PTPRD: variants seen among roughly 807,000 people sequenced by gnomAD.
PTPRD encodes the protein receptor-type tyrosine-protein phosphatase delta.
Under a neutral mutation model 214.5 loss-of-function variants are expected in PTPRD, and 34 were observed. The ratio of observed to expected loss-of-function variants is 0.16; its 90% confidence interval spans 0.12 to 0.21. PTPRD has a LOEUF of 0.21. Ranked by LOEUF, PTPRD falls within the 10% of genes least tolerant of loss-of-function variation. The probability of loss-of-function intolerance (pLI) is 1.00; values close to 1 mark genes in which losing one functional copy is unlikely to be tolerated. For synonymous variants in PTPRD, 1,128 were observed against 845.7 expected (o/e 1.33, Z -5.79); for missense variants, 2,545 against 2,398.7 (o/e 1.06, Z -1.27).
intron 2 of PTPRD, among the ~76,000 whole-genome samples, chr9:10,350,856 G>C (rs1461009962): frequency 1.3e-5 from 2 of 152,176 alleles, no homozygotes; most frequent in African/African-American, 4.8e-5. Flanking sequence ...TGAACAAAGA[G>C]ACAGGTGTTT....
rs541295293 is a variant in PTPRD at position 10,072,004 on chromosome 9, A to C, written c.-544-38214T>G. Reference sequence around the variant, plus strand: ...TTAGCACACATAGTATAAATGATGAAAAAATTGGTAAGGTTTACTTAATTA... The same window carrying C: ...TTAGCACACATAGTATAAATGATGACAAAATTGGTAAGGTTTACTTAATTA... On this transcript the variant is annotated intron_variant, in intron 3 of 45. Coordinates refer to ENST00000381196, the MANE Select transcript of PTPRD (RefSeq NM_002839.4). 3.9e-5 allele frequency among the ~76,000 whole-genome samples: 6 copies of C among 151,958 alleles called. No individual in the cohort carries two copies. In the South Asian group the frequency reaches 1.2e-3, roughly 31 times the overall value.
intron 14 of PTPRD, among the ~76,000 whole-genome samples, chr9:8,589,457 C>G (rs2093931821): frequency 6.6e-6 from 1 of 152,122 alleles, no homozygotes. Context: ...AATGTATTCT[C>G]AAGAAATACA....
At chr9:9,397,328 C>A (rs966427172) in intron 9 of PTPRD, 121 bp downstream of exon 9, 1 of 152,190 alleles carries the variant, frequency 6.6e-6, no homozygotes, top group African/African-American at 2.4e-5. Context: ...GCCTAATGAA[C>A]TGCCAGAAGG....
intron 3 of PTPRD, among the ~76,000 whole-genome samples, chr9:10,249,121 C>A (rs1278810923): frequency 6.6e-6 from 1 of 152,034 alleles, no homozygotes; most frequent in Admixed American, 6.6e-5. Context: ...TCTTCAACAC[C>A]AGGTAAGTGA....
chr9:8,610,996 T>A (rs1470013699), intron 14 of PTPRD, among the ~76,000 whole-genome samples: 1 of 152,220 alleles, frequency 6.6e-6, no homozygotes, highest in African/African-American at 2.4e-5. Context: ...ATTTTCATGT[T>A]GAAATATTAT....
intron 9 of PTPRD, among the ~76,000 whole-genome samples, chr9:9,277,854 T>C (rs934338601): frequency 1.3e-5 from 2 of 151,316 alleles, no homozygotes; most frequent in Non-Finnish European, 1.5e-5. Context: ...ATCCAGAAAA[T>C]TGTGTTTCTT....
At chr9:9,530,917 T>A (rs925481708) in intron 8 of PTPRD, among the ~76,000 whole-genome samples, 4 of 151,438 alleles carry the variant, frequency 2.6e-5, no homozygotes, top group Non-Finnish European at 2.9e-5. Context: ...TGAGGAGGGG[T>A]TGGTGAATGA....
At chr9:10,542,820 G>C (rs1309801105) in intron 2 of PTPRD, among the ~76,000 whole-genome samples, 1 of 152,120 alleles carries the variant, frequency 6.6e-6, no homozygotes, top group Non-Finnish European at 1.5e-5. Flanking sequence ...CTGGGTTCAA[G>C]CAATTCTCCT....
At chr9:9,574,262 T>C (rs1463493466) in intron 8 of PTPRD, among the ~76,000 whole-genome samples, 1 of 151,968 alleles carries the variant, frequency 6.6e-6, no homozygotes, top group Non-Finnish European at 1.5e-5. Flanking sequence ...TCACTTGTTA[T>C]TTATTACCAT....
intron 9 of PTPRD, among the ~76,000 whole-genome samples, chr9:9,345,401 G>A (rs1360613531): frequency 6.6e-6 from 1 of 152,090 alleles, no homozygotes. Context: ...GAGGAGGCAT[G>A]AAGGCAGAGG....
chr9:9,678,533 G>A (rs370121067), intron 7 of PTPRD, among the ~76,000 whole-genome samples: 12 of 151,744 alleles, frequency 7.9e-5, no homozygotes, highest in East Asian at 1.9e-4. Context: ...AAAATCCTTC[G>A]TATTTTTATT....
At chr9:8,351,102 A>G (rs896679838) in intron 39 of PTPRD, among the ~76,000 whole-genome samples, 2 of 152,204 alleles carry the variant, frequency 1.3e-5, no homozygotes, top group African/African-American at 2.4e-5. Flanking sequence ...ACTATGGTAT[A>G]TCAATACCAT....
At chr9:9,353,570 T>C (rs1370508573) in intron 9 of PTPRD, among the ~76,000 whole-genome samples, 2 of 151,816 alleles carry the variant, frequency 1.3e-5, no homozygotes, top group East Asian at 3.9e-4. Flanking sequence ...CTTTTTTCTA[T>C]TCACTTTACA....
At chr9:9,080,460 G>A (rs1165969370) in intron 10 of PTPRD, among the ~76,000 whole-genome samples, 1 of 152,064 alleles carries the variant, frequency 6.6e-6, no homozygotes, top group Non-Finnish European at 1.5e-5. Context: ...TACTTGAATA[G>A]ACCCTTTACA....
chr9:9,289,826 G>A (rs1332206359), intron 9 of PTPRD, among the ~76,000 whole-genome samples: 1 of 151,612 alleles, frequency 6.6e-6, no homozygotes, highest in Non-Finnish European at 1.5e-5. Context: ...ATAACATTGT[G>A]TACATAAACC....
chr9:10,019,746 G>T (rs1286502233), intron 4 of PTPRD, among the ~76,000 whole-genome samples: 1 of 145,862 alleles, frequency 6.9e-6, no homozygotes. Context: ...ACGGACACAG[G>T]AAGGGGAACA....
intron 2 of PTPRD, among the ~76,000 whole-genome samples, chr9:10,493,436 A>G (rs537445337): frequency 6.6e-6 from 1 of 152,278 alleles, no homozygotes; most frequent in South Asian, 2.1e-4. Flanking sequence ...GGCCTCAGAA[A>G]TAATGCCACA....
At chr9:8,701,896 C>G (rs964356824) in intron 12 of PTPRD, among the ~76,000 whole-genome samples, 1 of 152,036 alleles carries the variant, frequency 6.6e-6, no homozygotes, top group Non-Finnish European at 1.5e-5. Context: ...AATCTTTATT[C>G]TTTTCTCAAT....
At chr9:9,050,200 T>G (rs975137564) in intron 10 of PTPRD, among the ~76,000 whole-genome samples, 2 of 152,254 alleles carry the variant, frequency 1.3e-5, no homozygotes, top group Non-Finnish European at 1.5e-5. Context: ...TAGAATACTT[T>G]TTCCCTTTAA....
Sources: gnomAD v4.1 joint callset for allele counts (sites outside exome capture counted in the v4.1 genomes callset) on GRCh38, gnomAD v4.1.1 for gene constraint, MANE v1.5 for transcripts, NCBI Gene and HGNC (gene_info 2026-07-23, HGNC 2026-07-21) for gene names.